The following USH2A variants were observed in gnomAD, a reference collection of about 807,000 sequenced individuals.
USH2A encodes the protein usherin.
Under a neutral mutation model 538.9 loss-of-function variants are expected in USH2A, and 443 were observed. The observed-to-expected ratio is 0.82, with a 90% CI of 0.76 to 0.89. USH2A has a LOEUF of 0.89. USH2A is among the 40% of genes least tolerant of loss of function. USH2A has a pLI of 0.00. For synonymous variants in USH2A, 2,413 were observed against 2,273.5 expected, an observed-to-expected ratio of 1.06 and a Z score of -1.75; for missense variants, 6,633 against 6,324.8, an observed-to-expected ratio of 1.05 and a Z score of -1.65.
intron 43 of USH2A, among the ~76,000 whole-genome samples, chr1:215,874,533 T>C (rs941216138): frequency 3.3e-5 from 5 of 152,214 alleles, no homozygotes; most frequent in African/African-American, 1.2e-4. Context: ...AATATAATGA[T>C]GTTTTAAATT....
At chr1:215,737,196 A>T (rs1660178824) in intron 60 of USH2A, among the ~76,000 whole-genome samples, 1 of 151,970 alleles carries the variant, frequency 6.6e-6, no homozygotes, top group Admixed American at 6.6e-5. Flanking sequence ...ATTGCAGAAC[A>T]ATATGGGCAA....
In USH2A at chr1:215,728,217, G is replaced by A; in HGVS notation, c.11879C>T (p.Thr3960Ile). Residue 3960 changes from threonine (T) to isoleucine (I), a missense_variant, in exon 61 of 72, where the codon ACT becomes ATT. Thr to Ile is a moderately conservative substitution (Grantham distance 89, BLOSUM62 -1). Coordinates refer to ENST00000307340, the MANE Select transcript of USH2A (RefSeq NM_206933.4). ...AAAATCTTGAGGTGGAGCTTCCAGA[G>A]TTTGTGTTAATGACCACAGACTCTC... ...SVESLWSLTQ[T>I]LEAPPQDFPA... The A allele has an allele frequency of 6.2e-7, 1 of 1,614,152 alleles. No homozygotes were observed. The highest frequency in any genetic ancestry group is 8.5e-7 in the Non-Finnish European group (1 of 1,180,014).
chr1:216,198,670 G>A, intron 17 of USH2A, 86 bp from the exon 18 acceptor site: 1 of 1,211,120 alleles, frequency 8.3e-7, no homozygotes. Flanking sequence ...CAGTTAAAGA[G>A]TGCTGGATAT....
At chr1:216,174,036 T>C (rs1360958252) in intron 21 of USH2A, 6 of 985,116 alleles carry the variant, frequency 6.1e-6, no homozygotes, top group African/African-American at 1.7e-5. Context: ...TTTGATGTAC[T>C]GAGAGAGTAG....
chr1:216,387,848 C>T (rs2039032489), intron 3 of USH2A, among the ~76,000 whole-genome samples: 1 of 152,114 alleles, frequency 6.6e-6, no homozygotes, highest in Non-Finnish European at 1.5e-5. Context: ...TCTCTCTGCC[C>T]TTCCCCCATT....
chr1:216,347,425 C>T (rs2038199575), intron 4 of USH2A, among the ~76,000 whole-genome samples: 1 of 151,900 alleles, frequency 6.6e-6, no homozygotes, highest in African/African-American at 2.4e-5. Context: ...ACAAGCTTTC[C>T]AAAATAAAAT....
At chr1:216,020,322 T>G (rs891807317) in intron 32 of USH2A, among the ~76,000 whole-genome samples, 1 of 152,188 alleles carries the variant, frequency 6.6e-6, no homozygotes, top group Non-Finnish European at 1.5e-5. Context: ...TATTTATAGA[T>G]AGTTGACTTT....
At chr1:216,392,657 G>GT (rs200996413) in intron 3 of USH2A, among the ~76,000 whole-genome samples, 6 of 151,812 alleles carry the variant, frequency 4.0e-5, no homozygotes, top group African/African-American at 1.2e-4. Flanking sequence ...ATACAATGCT[G>GT]TTTTTTTAAA....
At chr1:215,802,683 A>G (rs1158195072) in intron 49 of USH2A, among the ~76,000 whole-genome samples, 1 of 152,144 alleles carries the variant, frequency 6.6e-6, no homozygotes, top group African/African-American at 2.4e-5. Flanking sequence ...AATGTTCCAC[A>G]AAACAGTATG....
chr1:215,994,252 T>C (rs1305853855), intron 34 of USH2A, among the ~76,000 whole-genome samples: 1 of 152,166 alleles, frequency 6.6e-6, no homozygotes, highest in African/African-American at 2.4e-5. Flanking sequence ...ATTACTAAGA[T>C]AAAAAATTAA....
chr1:216,224,199 C>T (rs76123819), intron 14 of USH2A, among the ~76,000 whole-genome samples: 4,517 of 152,102 alleles, frequency 0.03, 239 homozygotes, highest in African/African-American at 0.1. Flanking sequence ...TGTGGGGTAC[C>T]AGATGAACTG....
At chr1:216,310,326 T>C (rs1386017867) in intron 9 of USH2A, among the ~76,000 whole-genome samples, 1 of 152,104 alleles carries the variant, frequency 6.6e-6, no homozygotes, top group Non-Finnish European at 1.5e-5. Context: ...TAAAACTTTT[T>C]TGGGGGTTGC....
intron 24 of USH2A, among the ~76,000 whole-genome samples, 169 bp downstream of exon 24, chr1:216,086,550 G>A (rs2032138611): frequency 6.6e-6 from 1 of 151,864 alleles, no homozygotes; most frequent in African/African-American, 2.4e-5. Context: ...AAGTCATATG[G>A]AATACATGGT....
intron 9 of USH2A, among the ~76,000 whole-genome samples, chr1:216,315,507 T>C (rs1473808022): frequency 6.6e-6 from 1 of 152,120 alleles, no homozygotes. Flanking sequence ...AGTGAAACAT[T>C]CCATCTCTAG....
chr1:216,161,334 A>T (rs1373828781), intron 21 of USH2A, among the ~76,000 whole-genome samples: 2 of 151,976 alleles, frequency 1.3e-5, no homozygotes, highest in Non-Finnish European at 2.9e-5. Flanking sequence ...GTTTCCTTAC[A>T]TTAATTTTCT....
At chr1:216,330,809 G>A (rs2037845522) in intron 4 of USH2A, among the ~76,000 whole-genome samples, 1 of 151,990 alleles carries the variant, frequency 6.6e-6, no homozygotes, top group Non-Finnish European at 1.5e-5. Flanking sequence ...CAAGAGGCCA[G>A]TTAGGAGGAT....
intron 47 of USH2A, among the ~76,000 whole-genome samples, chr1:215,832,007 A>G (rs965352001): frequency 6.6e-6 from 1 of 152,034 alleles, no homozygotes; most frequent in African/African-American, 2.4e-5. Context: ...GTACAAACAT[A>G]CTACAAACAA....
At chr1:215,631,273 C>T (rs1656276606) in intron 70 of USH2A, among the ~76,000 whole-genome samples, 1 of 150,114 alleles carries the variant, frequency 6.7e-6, no homozygotes, top group Non-Finnish European at 1.5e-5. Context: ...GGGCATAGCT[C>T]ATTGACCTAC....
chr1:215,933,302 T>C (rs115815638), intron 38 of USH2A, among the ~76,000 whole-genome samples: 1,703 of 152,052 alleles, frequency 0.011, 18 homozygotes, highest in South Asian at 0.024. Flanking sequence ...ATACCTAAGG[T>C]TTATTTTAGC....
Sources: allele counts gnomAD v4.1 joint callset (sites outside exome capture counted in the v4.1 genomes callset), GRCh38; gene constraint gnomAD v4.1.1; transcripts MANE v1.5; gene names NCBI Gene and HGNC (gene_info 2026-07-23, HGNC 2026-07-21).